The following RNF123 variants were observed in gnomAD, a reference collection of about 807,000 sequenced individuals.
The protein encoded by RNF123 is ring finger protein 123, also known as E3 ubiquitin-protein ligase RNF123.
In RNF123, 86 loss-of-function variants were observed where a neutral mutation model predicts 168.5. The observed-to-expected ratio is 0.51, with a 90% CI of 0.43 to 0.61. The LOEUF (loss-of-function observed/expected upper bound fraction) is 0.61, where lower values mean the gene tolerates loss of function less well. Among genes scored for constraint, RNF123 ranks in the 20% least tolerant of loss-of-function variants. The pLI is 0.00. For missense variants in RNF123, 1,419 were observed against 1,729.7 expected (o/e 0.82, Z 3.19); for synonymous variants, 666 against 689.1 (o/e 0.97, Z 0.52).
chr3:49,719,012 C>T (rs771566546), intron 35 of RNF123: 2 of 1,613,762 alleles, frequency 1.2e-6, no homozygotes, highest in African/African-American at 1.3e-5. Flanking sequence ...CCGTGGAAGG[C>T]ATGCTCGTCC....
At chr3:49,693,608 C>T (rs757122625) in intron 3 of RNF123, among the ~76,000 whole-genome samples, 4 of 152,076 alleles carry the variant, frequency 2.6e-5, no homozygotes, top group Non-Finnish European at 4.4e-5. Context: ...CCTCCCACCT[C>T]GACGTCCCAA....
Position 49,699,184 on chromosome 3 carries a change from G to C in RNF123, c.764+79G>C. ...GGATGAGGGGCTCCCTACCCCAGGG[G>C]TGCCATGGGCTGGTGGCAGGCCCTG... On this transcript the variant is annotated intron_variant, in intron 10 of 38. Coordinates refer to ENST00000327697, the MANE Select transcript of RNF123 (RefSeq NM_022064.5). The surrounding 1 kb of genome is among the most constrained non-coding windows in gnomAD (Gnocchi z 4.8). The C allele has an allele frequency of 6.5e-7, 1 of 1,539,530 alleles. No homozygotes were observed. The highest frequency in any genetic ancestry group is 2.3e-5 in the East Asian group (1 of 44,374).
At chr3:49,709,796 C>T (rs2080107134) in intron 26 of RNF123, among the ~76,000 whole-genome samples, 1 of 151,320 alleles carries the variant, frequency 6.6e-6, no homozygotes. Context: ...TGGTCTTGAA[C>T]TGCTGACCTC....
At chr3:49,705,222 C>T (rs537829890) in intron 23 of RNF123, 40 bp downstream of exon 23, 348 of 1,564,756 alleles carry the variant, frequency 2.2e-4, no homozygotes, top group Non-Finnish European at 2.9e-4. Flanking sequence ...CCGAAGGACC[C>T]TTCCACAGTG....
At chr3:49,702,608 C>G (rs1248144858) in intron 19 of RNF123, 25 bp from the exon 20 acceptor site, 1 of 1,614,220 alleles carries the variant, frequency 6.2e-7, no homozygotes, top group East Asian at 2.2e-5. Flanking sequence ...GGCACCAATG[C>G]ATGTTTCATG....
intron 35 of RNF123, chr3:49,719,731 G>T: frequency 2.4e-6 from 1 of 416,660 alleles, no homozygotes; most frequent in South Asian, 5.3e-5. Flanking sequence ...CAGGGGCGGG[G>T]CCCGGGCTCC....
intron 22 of RNF123, 99 bp downstream of exon 22, chr3:49,704,855 A>G (rs1473009452): frequency 2.1e-6 from 3 of 1,395,980 alleles, no homozygotes; most frequent in Non-Finnish European, 2.9e-6. Context: ...CCATGCAGGC[A>G]AAGGGTTTCT....
chr3:49,714,310 C>T (rs2080199691), intron 31 of RNF123, 136 bp downstream of exon 31: 6 of 748,220 alleles, frequency 8.0e-6, no homozygotes, highest in Non-Finnish European at 1.3e-5. Context: ...CCCTACGTGT[C>T]CCCTGGGGTT....
chr3:49,704,904 C>G (rs1437613835), intron 22 of RNF123, 80 bp from the exon 23 acceptor site: 2 of 1,446,768 alleles, frequency 1.4e-6, no homozygotes, highest in Admixed American at 4.3e-5. Context: ...AGGCATGGAC[C>G]CTCCCTCACA....
At chr3:49,718,782 G>C (rs780303859) in intron 35 of RNF123, 2 of 1,613,250 alleles carry the variant, frequency 1.2e-6, no homozygotes, top group Non-Finnish European at 1.7e-6. Flanking sequence ...GTAGCAGGTG[G>C]TAGAGGCGGC....
At position 49,716,089 on chromosome 3, in the gene RNF123, G is replaced by T; in HGVS notation, c.3340-13G>T. On this transcript the variant is annotated splice_polypyrimidine_tract_variant and intron_variant, in intron 33 of 38. Coordinates refer to ENST00000327697, the MANE Select transcript of RNF123 (RefSeq NM_022064.5). ...GCTCCCCATCCACCAATGGACTCCT[G>T]CTCCCCTCACAGCTGCTAAACCAGG... The T allele has an allele frequency of 6.2e-7, 1 of 1,613,712 alleles. No homozygotes were observed. The highest frequency in any genetic ancestry group is 1.1e-5 in the South Asian group (1 of 91,058).
rs1290422876 is a variant in RNF123, at chr3:49,704,526, GT to G, written c.1853-123del. ...GGCGGAGGGGCGAGGGGCAGATACG[GT>G]GCTAAACCGGGCTCTGCAAGGCCTC... On this transcript the variant is annotated intron_variant, in intron 21 of 38. Coordinates refer to ENST00000327697, the MANE Select transcript of RNF123 (RefSeq NM_022064.5). The G allele has an allele frequency of 6.7e-6, 5 of 749,140 alleles. No homozygotes were observed. The South Asian group carries it at 7.0e-5, about 10-fold the overall frequency. The allele number at this position is 749,140 out of a possible 1,614,324, so 46.4% of individuals were successfully genotyped here. A position where few individuals can be genotyped will look rare whatever the true frequency, so the allele number is the denominator to read the frequency against.
In RNF123 at chr3:49,701,832, A is replaced by G; in HGVS notation, c.1417A>G (p.Lys473Glu). The G allele has an allele frequency of 1.3e-6, 2 of 1,573,764 alleles. No homozygotes were observed. Among genetic ancestry groups the G allele is most frequent in the Non-Finnish European group, 1.7e-6 (2 of 1,159,920 alleles). ...SREGKESTEM[K>E]EETAEERLRR... ...CTAGGGCAAAGAGAGCACGGAGATG[A>G]AGGAGGAGACCGCAGAGGAGCGGCT... The change falls in exon 17 of 39, where the codon AAG becomes GAG. Residue 473 changes from lysine to glutamate, a missense_variant. By Grantham distance (56) the Lys-to-Glu change is moderately conservative (BLOSUM62 1). This residue lies in a region of RNF123 where 349 missense variants were observed against 344.9 expected (regional missense o/e 1.01). Coordinates refer to ENST00000327697, the MANE Select transcript of RNF123 (RefSeq NM_022064.5).
intron 34 of RNF123, 22 bp from the exon 35 acceptor site, chr3:49,716,371 T>C (rs988270831): frequency 6.2e-7 from 1 of 1,610,706 alleles, no homozygotes; most frequent in Non-Finnish European, 8.5e-7. Context: ...GTGGCTCATC[T>C]CTTTCCTCCC....
chr3:49,711,392 T>C (rs748611327), intron 26 of RNF123, among the ~76,000 whole-genome samples: 1 of 152,088 alleles, frequency 6.6e-6, no homozygotes, highest in Admixed American at 6.5e-5. Flanking sequence ...ATCTCTGAAA[T>C]AGTCTCACCA....
At chr3:49,719,874 G>GT in intron 35 of RNF123, 1 of 200,178 alleles carries the variant, frequency 5.0e-6, no homozygotes, top group Non-Finnish European at 1.0e-5. Context: ...TCCGCCGCTC[G>GT]TTTTTCCTCG....
At chr3:49,720,675 G>A (rs1202646073) in intron 36 of RNF123, 22 bp downstream of exon 36, 20 of 1,595,898 alleles carry the variant, frequency 1.3e-5, no homozygotes, top group Non-Finnish European at 1.6e-5. Flanking sequence ...GGTGGGGCAG[G>A]TCAGGGAAAT....
Position 49,706,062 on chromosome 3 carries a change from G to A in RNF123, c.2385G>A (p.Lys795=), listed in dbSNP as rs368813031. The change falls in exon 25 of 39, where the codon AAG becomes AAA. Residue 795 remains lysine (K), a synonymous_variant. Transcript: ENST00000327697. ...DTEDKLRRCP[K]RRKDILAELT... The stretch of plus-strand genomic sequence containing the variant: ...AGGACAAGCTCCGCCGGTGCCCCAA[G>A]AGGGTAAGGCCCACATAGTCTTGGT... 23 of 1,613,942 alleles carry A rather than the reference G, an allele frequency of 1.4e-5. No individual in the cohort carries two copies. Among genetic ancestry groups the A allele is most frequent in the East Asian group, 6.7e-5 (3 of 44,902 alleles).
At chr3:49,712,707 T>TGAGCCCTAG (rs753556826) in intron 27 of RNF123, 51 bp downstream of exon 27, 4 of 1,591,388 alleles carry the variant, frequency 2.5e-6, no homozygotes, top group Non-Finnish European at 3.4e-6. Flanking sequence ...GTCTCTAGTG[T>TGAGCCCTAG]GAGCCCTAGG....
Sources: allele counts gnomAD v4.1 joint callset (sites outside exome capture counted in the v4.1 genomes callset), GRCh38; gene constraint gnomAD v4.1.1; regional missense constraint gnomAD v4.1.1; non-coding constraint Gnocchi (gnomAD v3.1); transcripts MANE v1.5; gene names NCBI Gene and HGNC (gene_info 2026-07-23, HGNC 2026-07-21).